Variants in KNL1 observed in about 807,000 individuals in gnomAD.
KNL1 encodes kinetochore scaffold 1, also known as outer kinetochore KNL1 complex subunit KNL1.
KNL1 carries 66 observed loss-of-function variants against 201.3 expected under a neutral mutation model. That is an observed-to-expected ratio of 0.33 (90% CI 0.27 to 0.40). The LOEUF (loss-of-function observed/expected upper bound fraction) is 0.40, where lower values mean the gene tolerates loss of function less well. Among genes scored for constraint, KNL1 ranks in the 10% least tolerant of loss-of-function variants. The pLI is 1.00. For missense variants in KNL1, 2,815 were observed against 2,690.5 expected (o/e 1.05, Z -1.02); for synonymous variants, 895 against 899.2 (o/e 1.00, Z 0.08).
intron 21 of KNL1, among the ~76,000 whole-genome samples, chr15:40,652,407 C>T (rs1287845100): frequency 1.3e-5 from 2 of 151,418 alleles, no homozygotes; most frequent in African/African-American, 4.8e-5. Flanking sequence ...TTTTCATCTC[C>T]ATCTTTCGTG....
intron 25 of KNL1, among the ~76,000 whole-genome samples, chr15:40,660,296 C>T (rs1397173342): frequency 6.6e-6 from 1 of 152,042 alleles, no homozygotes; most frequent in Non-Finnish European, 1.5e-5. Flanking sequence ...AATACTCCAA[C>T]CTAAAACATG....
At position 40,620,850 on chromosome 15, in the gene KNL1, A is replaced by C. The variant is rs1354236380; in HGVS notation, c.586A>C (p.Lys196Gln). Residue 196 changes from lysine (K) to glutamine (Q), a missense_variant, in exon 10 of 26, where the codon AAA (lysine) becomes CAA (glutamine). Around this residue, in one of 3 missense-constraint regions of KNL1, gnomAD observed 2,464 missense variants for 2,291.7 expected, o/e 1.08. Coordinates refer to ENST00000399668, the MANE Select transcript of KNL1 (RefSeq NM_144508.5). ...GCTTCACACCGAGGACTCAAGAATGAAAAAAGAAGTAAATTTTTCCGTGGA... is the reference window on the plus strand; with the variant it reads ...GCTTCACACCGAGGACTCAAGAATGCAAAAAGAAGTAAATTTTTCCGTGGA... ...LKLHTEDSRM[K>Q]KEVNFSVDQN... 6.3e-7 allele frequency: 1 copy of C among 1,596,384 alleles called. No individual in the cohort carries two copies. Among genetic ancestry groups the C allele is most frequent in the East Asian group, 2.2e-5 (1 of 44,752 alleles).
At chr15:40,615,481 A>T (rs998609722) in intron 8 of KNL1, 103 bp downstream of exon 8, 1 of 250,930 alleles carries the variant, frequency 4.0e-6, no homozygotes, top group Non-Finnish European at 6.9e-6. Flanking sequence ...AAAAAAAAGC[A>T]AACAGAGGCC....
chr15:40,618,239 G>T (rs1268131312), intron 8 of KNL1, among the ~76,000 whole-genome samples: 1 of 151,704 alleles, frequency 6.6e-6, no homozygotes, highest in Non-Finnish European at 1.5e-5. Context: ...GCCCTAACAT[G>T]ACCTCTTGCG....
At chr15:40,610,363 C>A in intron 6 of KNL1, 66 bp downstream of exon 6, 1 of 805,578 alleles carries the variant, frequency 1.2e-6, no homozygotes, top group Non-Finnish European at 2.2e-6. Flanking sequence ...GCTATCTAAC[C>A]AGACAACTAA....
At chr15:40,627,495 C>T (rs1248871218) in intron 10 of KNL1, among the ~76,000 whole-genome samples, 8 of 145,746 alleles carry the variant, frequency 5.5e-5, no homozygotes, top group African/African-American at 2.1e-4. Flanking sequence ...GCCTGGGCAA[C>T]GGAGTGAGAC....
intron 14 of KNL1, among the ~76,000 whole-genome samples, chr15:40,644,564 C>T (rs200179456): frequency 1.5e-4 from 23 of 152,326 alleles, no homozygotes; most frequent in African/African-American, 5.5e-4. Flanking sequence ...TCTCATCCCA[C>T]GAGGCCATAT....
At chr15:40,645,137 G>A (rs759469358) in intron 15 of KNL1, 50 bp downstream of exon 15, 6 of 1,235,794 alleles carry the variant, frequency 4.9e-6, no homozygotes, top group African/African-American at 3.0e-5. Context: ...CATTCTGAAC[G>A]ATGTTTATTG....
intron 13 of KNL1, 114 bp downstream of exon 13, chr15:40,629,485 TTTG>T: frequency 2.0e-6 from 1 of 497,988 alleles, no homozygotes; most frequent in Non-Finnish European, 3.4e-6. Context: ...TTTTTTTTTT[TTTG>T]CCTTTTCTTT....
intron 19 of KNL1, among the ~76,000 whole-genome samples, chr15:40,651,129 C>T (rs749736798): frequency 6.6e-6 from 1 of 150,488 alleles, no homozygotes; most frequent in Non-Finnish European, 1.5e-5. Flanking sequence ...TTATGATCTA[C>T]ATTATGCTTA....
intron 14 of KNL1, among the ~76,000 whole-genome samples, chr15:40,642,304 C>T (rs920438739): frequency 9.9e-5 from 15 of 151,256 alleles, no homozygotes; most frequent in African/African-American, 3.4e-4. Flanking sequence ...GAGGCTGAGG[C>T]GGGAGAATGG....
chr15:40,621,556 C>T lies in KNL1; in HGVS notation c.1292C>T (p.Ser431Phe). 1.2e-6 allele frequency: 2 copies of T among 1,610,118 alleles called. No homozygotes were observed. The highest frequency in any genetic ancestry group is 1.7e-6 in the Non-Finnish European group (2 of 1,178,140). Residue 431 changes from serine to phenylalanine, a missense_variant, in exon 10 of 26, where the codon TCT becomes TTT. By Grantham distance (155) the Ser-to-Phe change is radical. Transcript: ENST00000399668. ...SIQGCKTVFY[S>F]SCNDAMEMTK... ...CAAGGTTGTAAGACTGTTTTCTATTCTAGTTGTAATGATGCCATGGAAATG... is the reference window on the plus strand; with the variant it reads ...CAAGGTTGTAAGACTGTTTTCTATTTTAGTTGTAATGATGCCATGGAAATG...
intron 25 of KNL1, among the ~76,000 whole-genome samples, chr15:40,659,869 C>A (rs945340343): frequency 2.1e-5 from 3 of 145,210 alleles, no homozygotes; most frequent in African/African-American, 7.6e-5. Context: ...AACTTCAGTT[C>A]TCTTGAGTTC....
At chr15:40,656,455 A>G (rs1434678203) in intron 22 of KNL1, among the ~76,000 whole-genome samples, 4 of 152,142 alleles carry the variant, frequency 2.6e-5, no homozygotes, top group African/African-American at 9.7e-5. Context: ...GAAATCCAGG[A>G]TTTAAACTCA....
rs200355801 is a variant in KNL1, at chr15:40,624,842, A to C, written c.4578A>C (p.Ser1526=). ...CAGCTCTAGATTTCCACAGTAACTC[A>C]GACGTAACTAAGCAAGTCATTCAAA... ...YNTALDFHSN[S]DVTKQVIQTH... The change falls in exon 10 of 26, where the codon TCA becomes TCC. Residue 1526 remains serine, a synonymous_variant. Transcript: ENST00000399668. 1.0e-4 allele frequency: 169 copies of C among 1,612,906 alleles called. No homozygotes were observed. Among genetic ancestry groups the C allele is most frequent in the Non-Finnish European group, 1.3e-4 (155 of 1,179,866 alleles).
intron 13 of KNL1, among the ~76,000 whole-genome samples, chr15:40,633,376 G>A (rs1892970183): frequency 6.6e-6 from 1 of 150,872 alleles, no homozygotes; most frequent in African/African-American, 2.4e-5. Context: ...ACATTGTAAT[G>A]TAGCACAACA....
In KNL1 at chr15:40,662,308, T is replaced by C. The variant is rs1893933814; in HGVS notation, c.*120T>C. ...AGCTGAGTAAAATTCCTTCTGATGA[T>C]GTTATAGTTAATCTGTATGTTTTTT... On this transcript the variant is annotated 3_prime_UTR_variant, in exon 26 of 26. Transcript: ENST00000399668. 1 of 654,730 alleles carries C rather than the reference T, an allele frequency of 1.5e-6. No homozygotes were observed. The highest frequency in any genetic ancestry group is 2.5e-4 in the Middle Eastern group (1 of 3,928). The allele number at this position is 654,730 out of a possible 1,614,324, so 40.6% of individuals were successfully genotyped here. A position where few individuals can be genotyped will look rare whatever the true frequency, so the allele number is the denominator to read the frequency against.
intron 1 of KNL1, among the ~76,000 whole-genome samples, chr15:40,600,014 G>A (rs1046820853): frequency 1.3e-4 from 19 of 149,054 alleles, no homozygotes; most frequent in African/African-American, 2.7e-4. Context: ...CAACATGACC[G>A]TGATATATTA....
intron 2 of KNL1, 94 bp downstream of exon 2, chr15:40,603,060 T>C: frequency 1.2e-6 from 1 of 806,598 alleles, no homozygotes; most frequent in Non-Finnish European, 2.0e-6. Flanking sequence ...CTGAGATCTT[T>C]TTCCATTGTG....
Sources: gnomAD v4.1 joint callset for allele counts (sites outside exome capture counted in the v4.1 genomes callset) on GRCh38, gnomAD v4.1.1 for gene constraint, gnomAD v4.1.1 regional missense constraint, MANE v1.5 for transcripts, NCBI Gene and HGNC (gene_info 2026-07-23, HGNC 2026-07-21) for gene names.